The following PDXDC1 variants were observed in gnomAD, a reference collection of about 807,000 sequenced individuals.
The protein encoded by PDXDC1 is pyridoxal dependent decarboxylase domain containing 1, also known as pyridoxal-dependent decarboxylase domain-containing protein 1.
In PDXDC1, 42 loss-of-function variants were observed where a neutral mutation model predicts 100.1. The observed-to-expected ratio is 0.42, with a 90% CI of 0.33 to 0.54. The LOEUF (loss-of-function observed/expected upper bound fraction) is 0.54, where lower values mean the gene tolerates loss of function less well. Among genes scored for constraint, PDXDC1 ranks in the 20% least tolerant of loss-of-function variants. PDXDC1 has a pLI of 0.10. For missense variants in PDXDC1, 636 were observed against 979.2 expected, an observed-to-expected ratio of 0.65 and a Z score of 4.68; for synonymous variants, 260 against 371.7, an observed-to-expected ratio of 0.70 and a Z score of 3.46.
intron 16 of PDXDC1, chr16:15,083,870 C>A (rs2045805019): frequency 1.3e-5 from 4 of 299,828 alleles, no homozygotes; most frequent in Admixed American, 5.1e-5. Context: ...GCATGCGCCA[C>A]CATGCCCAGC....
At position 15,131,092 on chromosome 16, in the gene PDXDC1, A is replaced by G. The variant is rs768051826; in HGVS notation, c.1400-7787A>G. ...GCCTCACCCGCTGCACGCACCGTCC[A>G]GCAGCGTATAGTTGAGCTGCAGATG... On this transcript the variant is annotated intron_variant, in intron 16 of 16. Coordinates refer to the PDXDC1 transcript ENST00000535621. The G allele has an allele frequency of 4.4e-6, 7 of 1,606,720 alleles. No individual in the cohort carries two copies. The African/African-American group carries it at 5.4e-5, about 12-fold the overall frequency.
intron 16 of PDXDC1, among the ~76,000 whole-genome samples, chr16:15,100,055 T>TA (rs1277956981): frequency 1.3e-5 from 2 of 152,214 alleles, no homozygotes; most frequent in Non-Finnish European, 2.9e-5. Context: ...TGCCCTCCTG[T>TA]AACCCTCCTG....
chr16:15,035,835 G>T (rs911377040), intron 22 of PDXDC1, among the ~76,000 whole-genome samples, 181 bp from the exon 23 acceptor site: 1 of 152,116 alleles, frequency 6.6e-6, no homozygotes, highest in Non-Finnish European at 1.5e-5. Flanking sequence ...CCGGCCTGGG[G>T]AGCATGTTGG....
At chr16:15,144,531 G>A in the PDXDC1 span, among the ~76,000 whole-genome samples, 1 of 152,176 alleles carries the variant, frequency 6.6e-6, no homozygotes, top group East Asian at 1.9e-4. Flanking sequence ...GAGGCTGCCA[G>A]GCCCCAGGCA....
downstream of PDXDC1, chr16:15,040,379 C>T (rs903610926): frequency 2.9e-5 from 9 of 308,514 alleles, 1 homozygote; most frequent in Admixed American, 1.5e-4. Context: ...TACTGGTGTA[C>T]GGCCAGGGGT....
rs559753366 is a variant in PDXDC1, at chr16:15,131,030, G to A, written c.1400-7849G>A. The A allele has an allele frequency of 3.6e-4, 495 of 1,372,966 alleles. 3 individuals are homozygous for A. The Admixed American group carries it at 4.1e-3, about 11-fold the overall frequency. 85.0% of individuals were successfully genotyped at this position (1,372,966 alleles called of 1,614,324 possible). The stretch of plus-strand genomic sequence containing the variant: ...CACCCATGGAAGCCCTACGAGAAAC[G>A]CCTTCCCCCCAAGAACAAGGCCAGG... On this transcript the variant is annotated intron_variant, in intron 16 of 16. Transcript: ENST00000535621.
the PDXDC1 span, among the ~76,000 whole-genome samples, chr16:15,147,606 A>G: frequency 6.6e-6 from 1 of 152,062 alleles, no homozygotes; most frequent in Non-Finnish European, 1.5e-5. Flanking sequence ...GCCTCACTGC[A>G]ACCTCTGCCT....
At chr16:14,989,680 C>T (rs1389795451) in intron 1 of PDXDC1, 12 of 1,561,746 alleles carry the variant, frequency 7.7e-6, no homozygotes, top group South Asian at 2.3e-5. Flanking sequence ...GGGCCAGGAC[C>T]TGGGGACCCC....
downstream of PDXDC1, among the ~76,000 whole-genome samples, chr16:15,143,920 G>A (rs1203683952): frequency 5.3e-5 from 8 of 152,204 alleles, no homozygotes; most frequent in Admixed American, 6.5e-5. Flanking sequence ...AGCGGCGGGC[G>A]TGTGCCAGGC....
chr16:14,995,390 T>A (rs574393196), intron 1 of PDXDC1, among the ~76,000 whole-genome samples: 1 of 152,292 alleles, frequency 6.6e-6, no homozygotes, highest in Non-Finnish European at 1.5e-5. Flanking sequence ...CTGCATGTAT[T>A]GAGATAATCG....
intron 16 of PDXDC1, among the ~76,000 whole-genome samples, chr16:15,055,385 A>C (rs1597830291): frequency 6.6e-6 from 1 of 152,278 alleles, no homozygotes; most frequent in East Asian, 1.9e-4. Context: ...CCCCGGGGGT[A>C]GGGGAGAGAG....
At chr16:15,080,892 A>C (rs1352741941) in intron 16 of PDXDC1, among the ~76,000 whole-genome samples, 2 of 151,878 alleles carry the variant, frequency 1.3e-5, no homozygotes, top group African/African-American at 2.4e-5. Flanking sequence ...TCATGTTGTA[A>C]CATGTAAACC....
At chr16:15,101,541 G>T (rs573260440) in intron 16 of PDXDC1, among the ~76,000 whole-genome samples, 23 of 151,328 alleles carry the variant, frequency 1.5e-4, no homozygotes, top group African/African-American at 5.1e-4. Flanking sequence ...TTTCACCATG[G>T]TCTCTACTAA....
Position 15,125,940 on chromosome 16 carries a change from G to A in PDXDC1, c.1400-12939G>A, listed in dbSNP as rs1456899176. 1.4e-5 allele frequency: 9 copies of A among 631,952 alleles called. No homozygotes were observed. In the East Asian group the frequency reaches 2.5e-4, roughly 17 times the overall value. The allele number at this position is 631,952 out of a possible 1,614,324, so 39.1% of individuals were successfully genotyped here. A position where few individuals can be genotyped will look rare whatever the true frequency, so the allele number is the denominator to read the frequency against. On this transcript the variant is annotated intron_variant, in intron 16 of 16. Transcript: ENST00000535621. ...GAATGTCCTAGAATGCTGGATATAT[G>A]GGACATCTGCACCGTCCGTGATGGC...
Position 15,084,060 on chromosome 16 carries a change from G to A in PDXDC1, c.1399+54004G>A, listed in dbSNP as rs1452932383. ...TATAGCTTCTGAGAAAATCTATAAC[G>A]ACTTAGAGAAAATAAGGTTCTGTTA... On this transcript the variant is annotated intron_variant, in intron 16 of 16. Coordinates refer to the PDXDC1 transcript ENST00000535621. Among the ~76,000 whole-genome samples, 7 of 152,278 alleles carry A rather than the reference G, an allele frequency of 4.6e-5. No homozygotes were observed. In the South Asian group the frequency reaches 1.5e-3, roughly 32 times the overall value.
At chr16:15,125,974 G>A (rs1433065820) in intron 16 of PDXDC1, 17 of 601,698 alleles carry the variant, frequency 2.8e-5, no homozygotes, top group African/African-American at 7.4e-5. Context: ...GCAGCCCCTC[G>A]CGACGTGTGC....
At chr16:14,982,735 A>G (rs1968281204) in intron 1 of PDXDC1, among the ~76,000 whole-genome samples, 1 of 152,406 alleles carries the variant, frequency 6.6e-6, no homozygotes, top group African/African-American at 2.4e-5. Flanking sequence ...CCCATAAGGA[A>G]CATTATGTTC....
chr16:15,125,049 A>G (rs926862124), intron 16 of PDXDC1, among the ~76,000 whole-genome samples: 3 of 144,478 alleles, frequency 2.1e-5, no homozygotes, highest in Non-Finnish European at 4.5e-5. Flanking sequence ...CAGGAGGCTG[A>G]GGCAGGACAA....
intron 8 of PDXDC1, among the ~76,000 whole-genome samples, chr16:15,014,934 A>G (rs1187090211): frequency 4.7e-5 from 7 of 148,476 alleles, no homozygotes; most frequent in South Asian, 2.1e-4. Context: ...ATTCATCTAT[A>G]TGTTTTGTTT....
Sources: gnomAD v4.1 joint callset for allele counts (sites outside exome capture counted in the v4.1 genomes callset) on GRCh38, gnomAD v4.1.1 for gene constraint, MANE v1.5 for transcripts, NCBI Gene and HGNC (gene_info 2026-07-23, HGNC 2026-07-21) for gene names.